Variants in GSG1L observed in about 807,000 individuals in gnomAD.
GSG1L encodes the protein germ cell-specific gene 1-like protein.
In GSG1L, 24 loss-of-function variants were observed where a neutral mutation model predicts 42.1. The observed-to-expected ratio is 0.57, with a 90% CI of 0.41 to 0.80. The LOEUF (loss-of-function observed/expected upper bound fraction) is 0.80. Among genes scored for constraint, GSG1L ranks in the 30% least tolerant of loss-of-function variants. The pLI is 0.00. For missense variants in GSG1L, 445 were observed against 472.2 expected, an observed-to-expected ratio of 0.94 and a Z score of 0.53; for synonymous variants, 215 against 203.5, an observed-to-expected ratio of 1.06 and a Z score of -0.48.
At chr16:27,820,550 T>C (rs1159018848) in intron 5 of GSG1L, among the ~76,000 whole-genome samples, 6 of 152,094 alleles carry the variant, frequency 3.9e-5, no homozygotes, top group Non-Finnish European at 5.9e-5. Context: ...ACAGGAGCCA[T>C]TGGGGCATGC....
intron 5 of GSG1L, among the ~76,000 whole-genome samples, chr16:27,816,070 T>C (rs960786221): frequency 2.0e-5 from 3 of 152,214 alleles, no homozygotes; most frequent in African/African-American, 7.2e-5. Flanking sequence ...GTTACTGTTG[T>C]CACCATTGTC....
chr16:27,975,765 T>G (rs2085243858), intron 1 of GSG1L, among the ~76,000 whole-genome samples: 1 of 152,232 alleles, frequency 6.6e-6, no homozygotes, highest in Non-Finnish European at 1.5e-5. Context: ...AAGTTCCCAA[T>G]GTCAACGTTT....
At chr16:27,954,349 G>A (rs2141098772) in intron 2 of GSG1L, among the ~76,000 whole-genome samples, 1 of 152,332 alleles carries the variant, frequency 6.6e-6, no homozygotes, top group South Asian at 2.1e-4. Flanking sequence ...TAATGACTTA[G>A]CAGATAGGAG....
intron 3 of GSG1L, among the ~76,000 whole-genome samples, chr16:27,846,279 A>T (rs949781122): frequency 6.6e-6 from 1 of 152,144 alleles, no homozygotes; most frequent in Non-Finnish European, 1.5e-5. Context: ...TTACTGCCCA[A>T]TGCTGAGTCT....
intron 3 of GSG1L, among the ~76,000 whole-genome samples, chr16:27,849,628 T>G (rs2083484893): frequency 6.6e-6 from 1 of 152,160 alleles, no homozygotes; most frequent in Non-Finnish European, 1.5e-5. Context: ...AACCTCAAAC[T>G]CCTCCAGCCT....
chr16:27,796,376 C>A (rs774487462), intron 6 of GSG1L, among the ~76,000 whole-genome samples: 6 of 152,236 alleles, frequency 3.9e-5, no homozygotes, highest in Non-Finnish European at 5.9e-5. Context: ...ACACTCTCAT[C>A]GCTCTTCTAG....
chr16:27,906,902 C>T (rs771912613), intron 2 of GSG1L, among the ~76,000 whole-genome samples: 1 of 152,164 alleles, frequency 6.6e-6, no homozygotes, highest in African/African-American at 2.4e-5. Context: ...GTCTCACCAC[C>T]TCCACTGCCC....
intron 2 of GSG1L, among the ~76,000 whole-genome samples, chr16:27,913,889 C>T (rs914245417): frequency 6.6e-6 from 1 of 151,914 alleles, no homozygotes; most frequent in African/African-American, 2.4e-5. Flanking sequence ...ACATGCTTAT[C>T]GGAAAGAATT....
intron 2 of GSG1L, among the ~76,000 whole-genome samples, chr16:27,939,412 G>T (rs1000392080): frequency 1.3e-5 from 2 of 152,136 alleles, no homozygotes; most frequent in Admixed American, 1.3e-4. Context: ...CCAGGCATGA[G>T]GCACCAGGCC....
intron 2 of GSG1L, among the ~76,000 whole-genome samples, chr16:27,924,260 AAG>A (rs1436112909): frequency 1.3e-5 from 2 of 151,864 alleles, no homozygotes; most frequent in Non-Finnish European, 1.5e-5. Context: ...CGATATATTA[AAG>A]AGATATTTAT....
chr16:27,931,142 T>G (rs998571878), intron 2 of GSG1L, among the ~76,000 whole-genome samples: 2 of 152,140 alleles, frequency 1.3e-5, no homozygotes, highest in African/African-American at 4.8e-5. Flanking sequence ...ATAAAGCAAA[T>G]CATTTGACAT....
chr16:27,930,821 C>T (rs13338359), intron 2 of GSG1L, among the ~76,000 whole-genome samples: 5,290 of 152,238 alleles, frequency 0.035, 323 homozygotes, highest in African/African-American at 0.12. Flanking sequence ...AACTCCTGGG[C>T]TCAAGCAATC....
At chr16:27,828,601 A>G (rs762098336) in intron 5 of GSG1L, among the ~76,000 whole-genome samples, 188 bp downstream of exon 5, 33 of 152,182 alleles carry the variant, frequency 2.2e-4, no homozygotes, top group Non-Finnish European at 3.1e-4. Flanking sequence ...TGACCTATAA[A>G]ACATTAAAAT....
chr16:27,928,991 C>T (rs1883898624), intron 2 of GSG1L, among the ~76,000 whole-genome samples: 1 of 152,192 alleles, frequency 6.6e-6, no homozygotes, highest in Admixed American at 6.5e-5. Context: ...CAGCCCTGGT[C>T]ACATGTAAGT....
rs1049190490 is a variant in GSG1L at position 28,007,515 on chromosome 16, G to T, written c.350-44312C>A. Among the ~76,000 whole-genome samples the T allele has an allele frequency of 2.6e-4, 10 of 38,086 alleles. 1 individual carries two copies. Among genetic ancestry groups the T allele is most frequent in the Admixed American group, 1.8e-3 (10 of 5,660 alleles). The allele number at this position is 38,086 out of a possible 152,430, so 25.0% of individuals were successfully genotyped here. ...GGTTGGTTGGTTGGTTGGTTGGTTG[G>T]TGGTTGGTTGGTTTTGAGACAGGAT... On this transcript the variant is annotated intron_variant, in intron 1 of 6. Transcript: ENST00000447459.
rs147944169 is a variant in GSG1L at position 27,875,683 on chromosome 16, CA to C, written c.550+8802del. On this transcript the variant is annotated intron_variant, in intron 3 of 6. Coordinates refer to ENST00000447459, the MANE Select transcript of GSG1L (RefSeq NM_001109763.2). ...TCATGGACGTGCCAACAGACCCAAC[CA>C]AACCTGGCTAATGAGAGTAATTCAT... Among the ~76,000 whole-genome samples, 666 of 152,308 alleles carry C rather than the reference CA, an allele frequency of 4.4e-3. 2 individuals carry two copies. Among genetic ancestry groups the C allele is most frequent in the African/African-American group, 0.015 (640 of 41,578 alleles).
intron 3 of GSG1L, among the ~76,000 whole-genome samples, chr16:27,847,284 G>T (rs1158109178): frequency 6.6e-6 from 1 of 152,272 alleles, no homozygotes; most frequent in Middle Eastern, 3.4e-3. Flanking sequence ...GGTGTGGTCA[G>T]GTGGGTATGG....
chr16:27,874,441 CTTTTTTTTTT>C (rs71140916), intron 3 of GSG1L, among the ~76,000 whole-genome samples: 15 of 94,476 alleles, frequency 1.6e-4, no homozygotes, highest in Admixed American at 9.6e-4. Context: ...ACAGGAGAGC[CTTTTTTTTTT>C]TTTTTTTTTT....
chr16:27,999,314 A>G (rs558464047), intron 1 of GSG1L, among the ~76,000 whole-genome samples: 10 of 152,206 alleles, frequency 6.6e-5, no homozygotes, highest in Admixed American at 3.9e-4. Flanking sequence ...GTGGTGGTGC[A>G]TGCCTGTAAT....
Sources: allele counts gnomAD v4.1 joint callset (sites outside exome capture counted in the v4.1 genomes callset), GRCh38; gene constraint gnomAD v4.1.1; transcripts MANE v1.5; gene names NCBI Gene and HGNC (gene_info 2026-07-23, HGNC 2026-07-21).